EYS: variants seen among roughly 807,000 people sequenced by gnomAD.
EYS encodes EGF-like photoreceptor maintenance factor, also known as protein eyes shut homolog.
Under a neutral mutation model 282.1 loss-of-function variants are expected in EYS, and 250 were observed. That is an observed-to-expected ratio of 0.89 (90% confidence interval 0.80 to 0.98). The LOEUF (loss-of-function observed/expected upper bound fraction) is 0.98. EYS is among the 50% of genes least tolerant of loss of function. EYS has a pLI of 0.00. For missense variants in EYS, 4,016 were observed against 3,709.0 expected, an observed-to-expected ratio of 1.08 and a Z score of -2.15; for synonymous variants, 1,355 against 1,282.9, an observed-to-expected ratio of 1.06 and a Z score of -1.20.
intron 30 of EYS, among the ~76,000 whole-genome samples, chr6:64,256,159 AG>A (rs1296953204): frequency 2.3e-4 from 35 of 152,128 alleles, no homozygotes; most frequent in African/African-American, 7.2e-4. Context: ...ATTTAAATTG[AG>A]TATCTGTCAA....
chr6:65,413,344 A>T (rs541878870), intron 5 of EYS, among the ~76,000 whole-genome samples: 2 of 152,298 alleles, frequency 1.3e-5, no homozygotes, highest in East Asian at 3.9e-4. Context: ...TGACCTCATG[A>T]AGTCATGAAT....
intron 5 of EYS, among the ~76,000 whole-genome samples, chr6:65,482,001 G>C (rs959187172): frequency 6.6e-6 from 1 of 152,168 alleles, no homozygotes; most frequent in Admixed American, 6.5e-5. Flanking sequence ...TCTTTATCTG[G>C]ATGGAATACG....
chr6:65,566,105 A>AC (rs368929865), intron 2 of EYS, among the ~76,000 whole-genome samples: 1 of 151,670 alleles, frequency 6.6e-6, no homozygotes, highest in African/African-American at 2.4e-5. Context: ...TAAAAAAAAA[A>AC]AGAATTGAGC....
At chr6:65,206,929 G>A (rs1047903712) in intron 12 of EYS, among the ~76,000 whole-genome samples, 11 of 151,714 alleles carry the variant, frequency 7.3e-5, no homozygotes, top group African/African-American at 2.2e-4. Context: ...TGCTCAATGG[G>A]GAAAAGTTGA....
rs1042883062 is a variant in EYS, at chr6:64,822,770, A to G, written c.3045T>C (p.His1015=). The G allele has an allele frequency of 1.2e-5, 18 of 1,550,022 alleles. No individual in the cohort carries two copies. In the East Asian group the frequency reaches 1.5e-4, roughly 13 times the overall value. Residue 1015 remains histidine, a synonymous_variant, in exon 20 of 43, where the codon CAT becomes CAC. Coordinates refer to ENST00000503581, the MANE Select transcript of EYS (RefSeq NM_001142800.2). ...TGATGCCATCGATACAAACTCCATC[A>G]TGGAGACAGGGCTCTGATAGGCATT... is the stretch of plus-strand genomic sequence containing the variant. ...LDECLSEPCL[H]DGVCIDGINH...
chr6:65,502,454 CTCA>C (rs1445664046), intron 2 of EYS, among the ~76,000 whole-genome samples: 3 of 151,628 alleles, frequency 2.0e-5, no homozygotes, highest in African/African-American at 7.3e-5. Context: ...GCCGAATGTT[CTCA>C]TGTGTACCAT....
intron 35 of EYS, among the ~76,000 whole-genome samples, chr6:63,913,128 T>A (rs565602689): frequency 5.9e-5 from 9 of 152,304 alleles, no homozygotes; most frequent in Non-Finnish European, 8.8e-5. Context: ...AAAGTCATTT[T>A]TTCATATCCC....
intron 31 of EYS, among the ~76,000 whole-genome samples, chr6:64,218,257 T>C (rs1225513115): frequency 6.6e-6 from 1 of 152,140 alleles, no homozygotes; most frequent in Non-Finnish European, 1.5e-5. Context: ...GCCTCTGACC[T>C]CCCTTTCTTG....
At chr6:65,589,423 C>A (rs967994356) in intron 2 of EYS, among the ~76,000 whole-genome samples, 85 of 152,086 alleles carry the variant, frequency 5.6e-4, no homozygotes, top group African/African-American at 2.0e-3. Flanking sequence ...ATTTCAATAT[C>A]TATTTTAAAT....
chr6:64,655,960 A>G (rs574995820), intron 22 of EYS, among the ~76,000 whole-genome samples: 2 of 152,250 alleles, frequency 1.3e-5, no homozygotes, highest in South Asian at 4.1e-4. Flanking sequence ...ATTTCACCAA[A>G]AAATACATGT....
intron 8 of EYS, among the ~76,000 whole-genome samples, chr6:65,372,779 A>T (rs1204382912): frequency 6.6e-6 from 1 of 152,138 alleles, no homozygotes; most frequent in Non-Finnish European, 1.5e-5. Flanking sequence ...AATTATAAAG[A>T]AAATGAATTG....
chr6:64,752,387 C>G (rs1369029072), intron 22 of EYS, among the ~76,000 whole-genome samples: 1 of 151,818 alleles, frequency 6.6e-6, no homozygotes, highest in Admixed American at 6.6e-5. Flanking sequence ...TAACAACAGA[C>G]TAGACCAAGC....
At chr6:64,760,942 G>T (rs1381724551) in intron 22 of EYS, among the ~76,000 whole-genome samples, 2 of 152,172 alleles carry the variant, frequency 1.3e-5, no homozygotes, top group Admixed American at 6.5e-5. Context: ...GTAACTTTCT[G>T]GGAGAAGGAG....
At chr6:64,405,678 C>T (rs1043605486) in intron 28 of EYS, among the ~76,000 whole-genome samples, 1 of 152,060 alleles carries the variant, frequency 6.6e-6, no homozygotes, top group Non-Finnish European at 1.5e-5. Flanking sequence ...TTCCTATACA[C>T]CAATAACAGA....
intron 7 of EYS, among the ~76,000 whole-genome samples, chr6:65,394,507 C>A (rs1056407572): frequency 1.3e-5 from 2 of 152,100 alleles, no homozygotes; most frequent in Non-Finnish European, 2.9e-5. Context: ...TGAAGTGCAG[C>A]ACAGAGTCCT....
chr6:65,280,268 ATT>A lies in EYS; in HGVS notation c.2023+15593_2023+15594del, dbSNP rs1402185182. On this transcript the variant is annotated intron_variant, in intron 12 of 42. Coordinates refer to ENST00000503581, the MANE Select transcript of EYS (RefSeq NM_001142800.2). ...ATCCCTTCACTCAGCCCCTCCCTCC[ATT>A]CTGCCATCGACGCCACCTCCAGCAC... 2.6e-5 allele frequency among the ~76,000 whole-genome samples: 4 copies of A among 152,244 alleles called. No individual in the cohort carries two copies. In the South Asian group the frequency reaches 8.3e-4, roughly 32 times the overall value.
rs984987162 is a variant in EYS, at chr6:65,227,469, C to A, written c.2023+68394G>T. ...CTGCACTGCTTGTGGAAGTATAAAA[C>A]GATAAAGCCACTGTAGAAAATGATA... On this transcript the variant is annotated intron_variant, in intron 12 of 42. Transcript: ENST00000503581. 5.3e-5 allele frequency among the ~76,000 whole-genome samples: 8 copies of A among 151,980 alleles called. No individual in the cohort carries two copies. In the East Asian group the frequency reaches 1.5e-3, roughly 29 times the overall value.
chr6:63,763,130 G>A (rs940220968), intron 40 of EYS, among the ~76,000 whole-genome samples: 2 of 152,070 alleles, frequency 1.3e-5, no homozygotes, highest in African/African-American at 4.8e-5. Flanking sequence ...GGAAAGGGAT[G>A]TTCATAGTCA....
At chr6:65,332,374 T>TAA (rs1769829037) in intron 11 of EYS, 1 of 986,808 alleles carries the variant, frequency 1.0e-6, no homozygotes, top group South Asian at 1.4e-5. Context: ...AACCTTTCTA[T>TAA]ATGTTGCTGA....
Sources: gnomAD v4.1 joint callset for allele counts (sites outside exome capture counted in the v4.1 genomes callset) on GRCh38, gnomAD v4.1.1 for gene constraint, MANE v1.5 for transcripts, NCBI Gene and HGNC (gene_info 2026-07-23, HGNC 2026-07-21) for gene names.